Variants in CNTN4 observed in about 807,000 individuals in gnomAD.
CNTN4 encodes the protein contactin-4.
A neutral mutation model predicts 122.5 loss-of-function variants in CNTN4; 77 were observed. The ratio of observed to expected loss-of-function variants is 0.63; its 90% CI spans 0.52 to 0.76. The LOEUF (loss-of-function observed/expected upper bound fraction) is 0.76. Ranked by LOEUF, CNTN4 falls within the 30% of genes least tolerant of loss-of-function variation. The pLI, the probability that CNTN4 is intolerant of heterozygous loss-of-function variation, is 0.00. For missense variants in CNTN4, 1,256 were observed against 1,259.1 expected, an observed-to-expected ratio of 1.00 and a Z score of 0.04; for synonymous variants, 512 against 447.0, an observed-to-expected ratio of 1.15 and a Z score of -1.83.
At chr3:2,532,521 GAAAATCA>G (rs2077635862) in intron 3 of CNTN4, among the ~76,000 whole-genome samples, 1 of 151,992 alleles carries the variant, frequency 6.6e-6, no homozygotes, top group African/African-American at 2.4e-5. Context: ...CTGTATTTTT[GAAAATCA>G]AAATTGTAAG....
chr3:2,665,944 T>C (rs192936096), intron 4 of CNTN4, among the ~76,000 whole-genome samples: 34 of 152,318 alleles, frequency 2.2e-4, no homozygotes, highest in African/African-American at 7.0e-4. Flanking sequence ...GTCAAAGATT[T>C]TATCTCTTGG....
At chr3:2,883,545 C>A (rs975347414) in intron 9 of CNTN4, among the ~76,000 whole-genome samples, 1 of 152,130 alleles carries the variant, frequency 6.6e-6, no homozygotes, top group Non-Finnish European at 1.5e-5. Flanking sequence ...TGCTGTCTAA[C>A]CCAGAATGAC....
At chr3:2,170,756 AT>A (rs538780357) in intron 2 of CNTN4, among the ~76,000 whole-genome samples, 111 of 152,300 alleles carry the variant, frequency 7.3e-4, no homozygotes, top group Non-Finnish European at 1.4e-3. Context: ...AAGCCAAAAT[AT>A]TTTAAAATGT....
chr3:2,899,772 A>G (rs1360301756), intron 10 of CNTN4, among the ~76,000 whole-genome samples: 3 of 152,166 alleles, frequency 2.0e-5, no homozygotes, highest in Non-Finnish European at 4.4e-5. Flanking sequence ...TGATTTCCTG[A>G]GGAGGTTTGA....
intron 14 of CNTN4, among the ~76,000 whole-genome samples, chr3:2,992,990 A>G (rs1221766760): frequency 6.6e-6 from 1 of 151,876 alleles, no homozygotes; most frequent in African/African-American, 2.4e-5. Context: ...AAATACCCCA[A>G]TTGATCCTTA....
intron 6 of CNTN4, among the ~76,000 whole-genome samples, chr3:2,796,763 G>A (rs2092196785): frequency 6.6e-6 from 1 of 152,146 alleles, no homozygotes; most frequent in Non-Finnish European, 1.5e-5. Flanking sequence ...AGAGATTAAG[G>A]GAAAGGTGAC....
chr3:2,613,465 A>C (rs973769641), intron 4 of CNTN4, among the ~76,000 whole-genome samples: 1 of 152,148 alleles, frequency 6.6e-6, no homozygotes, highest in Non-Finnish European at 1.5e-5. Flanking sequence ...AAGAGATTAA[A>C]TATTGATTAG....
intron 11 of CNTN4, among the ~76,000 whole-genome samples, chr3:2,901,487 C>T (rs907424531): frequency 6.6e-6 from 1 of 152,180 alleles, no homozygotes; most frequent in African/African-American, 2.4e-5. Flanking sequence ...CCCCCTGCCT[C>T]ATGCACCTTC....
chr3:2,902,833 T>G, intron 11 of CNTN4, 43 bp from the exon 12 acceptor site: 1 of 1,596,990 alleles, frequency 6.3e-7, no homozygotes, highest in Non-Finnish European at 8.6e-7. Context: ...AAAGTCTCAG[T>G]TGTAGAAGGT....
intron 4 of CNTN4, among the ~76,000 whole-genome samples, chr3:2,671,581 C>T (rs181861666): frequency 6.6e-6 from 1 of 152,232 alleles, no homozygotes; most frequent in Admixed American, 6.5e-5. Context: ...AAGCCTTCTT[C>T]TCTCAACTCA....
chr3:3,007,207 C>A (rs1251318823), intron 14 of CNTN4, among the ~76,000 whole-genome samples: 2 of 152,222 alleles, frequency 1.3e-5, no homozygotes, highest in Non-Finnish European at 2.9e-5. Flanking sequence ...CTGTTCAAAT[C>A]TGCAGCACGT....
At chr3:2,858,726 G>A (rs1188711776) in intron 7 of CNTN4, among the ~76,000 whole-genome samples, 1 of 151,010 alleles carries the variant, frequency 6.6e-6, no homozygotes, top group Non-Finnish European at 1.5e-5. Context: ...AAAAGAAAAA[G>A]AAAAAGAAAA....
intron 2 of CNTN4, among the ~76,000 whole-genome samples, chr3:2,102,916 C>T (rs751737420): frequency 9.3e-5 from 14 of 150,924 alleles, no homozygotes; most frequent in Non-Finnish European, 1.9e-4. Flanking sequence ...TTCTCCTAAC[C>T]CTTGCTTTTT....
intron 2 of CNTN4, among the ~76,000 whole-genome samples, chr3:2,187,408 C>A (rs186411473): frequency 6.6e-6 from 1 of 152,046 alleles, no homozygotes; most frequent in Non-Finnish European, 1.5e-5. Context: ...CTTGGCAATG[C>A]GGGCTCTTTT....
At chr3:2,870,326 A>T (rs1236234780) in intron 8 of CNTN4, among the ~76,000 whole-genome samples, 2 of 152,142 alleles carry the variant, frequency 1.3e-5, no homozygotes, top group Non-Finnish European at 2.9e-5. Flanking sequence ...ATTAATGCCC[A>T]CTCATTCTTA....
At chr3:2,633,562 A>G (rs2082535389) in intron 4 of CNTN4, among the ~76,000 whole-genome samples, 1 of 152,240 alleles carries the variant, frequency 6.6e-6, no homozygotes, top group African/African-American at 2.4e-5. Flanking sequence ...AAAATGCAGT[A>G]GATCTTTTAA....
At chr3:2,224,322 C>CA (rs1178678293) in intron 2 of CNTN4, among the ~76,000 whole-genome samples, 1 of 152,122 alleles carries the variant, frequency 6.6e-6, no homozygotes, top group African/African-American at 2.4e-5. Context: ...CTGCTCCTCT[C>CA]AAAAAATACC....
chr3:2,971,758 CTT>C (rs1692946362), intron 13 of CNTN4, among the ~76,000 whole-genome samples: 1 of 152,166 alleles, frequency 6.6e-6, no homozygotes, highest in African/African-American at 2.4e-5. Flanking sequence ...TTAAGATTCT[CTT>C]TCTTGACAGG....
intron 3 of CNTN4, among the ~76,000 whole-genome samples, chr3:2,404,355 C>T (rs2046957580): frequency 6.6e-6 from 1 of 152,090 alleles, no homozygotes. Flanking sequence ...TTGGCAGAAT[C>T]CAGCAGGATG....
Sources: allele counts gnomAD v4.1 joint callset (sites outside exome capture counted in the v4.1 genomes callset), GRCh38; gene constraint gnomAD v4.1.1; transcripts MANE v1.5; gene names NCBI Gene and HGNC (gene_info 2026-07-23, HGNC 2026-07-21).